WDR64: variants seen among roughly 807,000 people sequenced by gnomAD.
WDR64 encodes WD repeat domain 64.
In WDR64, 112 loss-of-function variants were observed where a neutral mutation model predicts 139.3. That is an observed-to-expected ratio of 0.80 (90% CI 0.69 to 0.94). The LOEUF is 0.94. Among genes scored for constraint, WDR64 ranks in the 40% least tolerant of loss-of-function variants. The probability of loss-of-function intolerance (pLI) is 0.00; values close to 1 mark genes in which losing one functional copy is unlikely to be tolerated. For synonymous variants in WDR64, 444 were observed against 437.7 expected (o/e 1.01, Z -0.18); for missense variants, 1,206 against 1,293.1 (o/e 0.93, Z 1.03).
At chr1:241,691,480 C>A (rs1667279734) in intron 8 of WDR64, among the ~76,000 whole-genome samples, 1 of 152,046 alleles carries the variant, frequency 6.6e-6, no homozygotes, top group Non-Finnish European at 1.5e-5. Context: ...GTAAGATATA[C>A]CATGCTAACA....
intron 1 of WDR64, among the ~76,000 whole-genome samples, chr1:241,658,147 A>G (rs1222211246): frequency 6.6e-6 from 1 of 152,194 alleles, no homozygotes; most frequent in Non-Finnish European, 1.5e-5. Context: ...AGATACTCAT[A>G]TTTTTAACTA....
chr1:241,674,735 T>G lies in WDR64; in HGVS notation c.471T>G (p.Val157=). 6.5e-7 allele frequency: 1 copy of G among 1,542,946 alleles called. No individual in the cohort carries two copies. ...ITATQKGLIT[V]FNNQMRVQTS... is the part of the protein sequence containing the mutation. ...CTACTCAGAAAGGATTAATAACAGT[T>G]TTTAATAACCAGGTAATTTCTTTTT... The change falls in exon 4 of 28, where the codon GTT becomes GTG. Residue 157 remains valine (V), a synonymous_variant. Transcript: ENST00000437684.
At chr1:241,691,741 C>T (rs1441445823) in intron 8 of WDR64, among the ~76,000 whole-genome samples, 2 of 152,154 alleles carry the variant, frequency 1.3e-5, no homozygotes, top group Admixed American at 1.3e-4. Flanking sequence ...AGGCTGGGCA[C>T]AGTGGCTCAT....
intron 4 of WDR64, among the ~76,000 whole-genome samples, chr1:241,676,755 T>C (rs1281204951): frequency 6.6e-6 from 1 of 151,560 alleles, no homozygotes; most frequent in African/African-American, 2.4e-5. Flanking sequence ...GTTTTTTTTT[T>C]TTTTTTTTGT....
chr1:241,716,094 A>G (rs143820500), intron 9 of WDR64, among the ~76,000 whole-genome samples: 2,261 of 152,232 alleles, frequency 0.015, 33 homozygotes, highest in Middle Eastern at 0.051. Flanking sequence ...AATTCCCAGT[A>G]ACTGAAAACA....
intron 13 of WDR64, among the ~76,000 whole-genome samples, chr1:241,748,427 T>C (rs12081277): frequency 0.41 from 61,776 of 152,016 alleles, 12,900 homozygotes; most frequent in East Asian, 0.51. Flanking sequence ...TGCCTTCTCA[T>C]TGTGTTCTCA....
At chr1:241,745,838 C>G (rs1310554577) in intron 13 of WDR64, among the ~76,000 whole-genome samples, 1 of 152,112 alleles carries the variant, frequency 6.6e-6, no homozygotes, top group Non-Finnish European at 1.5e-5. Context: ...CCACTGGTCT[C>G]CTCGCATTAC....
intron 7 of WDR64, among the ~76,000 whole-genome samples, chr1:241,684,028 A>G (rs866402108): frequency 6.6e-6 from 1 of 152,176 alleles, no homozygotes; most frequent in Non-Finnish European, 1.5e-5. Flanking sequence ...CGTGAAAAAA[A>G]CTATAAAAGA....
chr1:241,785,019 A>G (rs946455151), intron 23 of WDR64, among the ~76,000 whole-genome samples: 5 of 149,252 alleles, frequency 3.4e-5, no homozygotes, highest in African/African-American at 9.8e-5. Flanking sequence ...GAGTAAGAAC[A>G]TTAAATGTCA....
chr1:241,725,136 T>C (rs778704959), intron 10 of WDR64, among the ~76,000 whole-genome samples: 3 of 151,844 alleles, frequency 2.0e-5, no homozygotes, highest in Non-Finnish European at 4.4e-5. Flanking sequence ...GAAAGTGGAG[T>C]GAAGGGCAAA....
Position 241,738,405 on chromosome 1 carries a change from G to C in WDR64, c.1237G>C (p.Val413Leu), listed in dbSNP as rs1438477996. ...WDIQTLSLLQVFHDSQGGPGD... is the reference protein window; with the variant it reads ...WDIQTLSLLQLFHDSQGGPGD... ...TATACAAACTCTTTCACTATTACAA[G>C]TCTTCCATGACAGCCAGGGAGGACC... Residue 413 changes from valine to leucine, a missense_variant, in exon 11 of 28, where the codon GTC becomes CTC. Val to Leu is a conservative substitution (Grantham distance 32). Coordinates refer to ENST00000437684, the MANE Select transcript of WDR64 (RefSeq NM_001367482.1). 1 of 1,613,760 alleles carries C rather than the reference G, an allele frequency of 6.2e-7. No homozygotes were observed. The highest frequency in any genetic ancestry group is 2.2e-5 in the East Asian group (1 of 44,858).
In WDR64 at chr1:241,708,834, C is replaced by T. The variant is rs1434482120; in HGVS notation, c.975-2968C>T. ...GGATGACAAGCGTGAGCCACTGCACCCAGCCTAGGAATTTCTTTTTTAATA... is the reference window on the plus strand; with the variant it reads ...GGATGACAAGCGTGAGCCACTGCACTCAGCCTAGGAATTTCTTTTTTAATA... On this transcript the variant is annotated intron_variant, in intron 8 of 27. Coordinates refer to ENST00000437684, the MANE Select transcript of WDR64 (RefSeq NM_001367482.1). 4.6e-5 allele frequency among the ~76,000 whole-genome samples: 7 copies of T among 151,808 alleles called. No individual in the cohort carries two copies. In the East Asian group the frequency reaches 1.3e-3, roughly 29 times the overall value.
chr1:241,692,896 A>C (rs1667352158), intron 8 of WDR64, among the ~76,000 whole-genome samples: 1 of 152,224 alleles, frequency 6.6e-6, no homozygotes, highest in Admixed American at 6.5e-5. Context: ...GTCAAAATCC[A>C]GAACACTAAC....
At chr1:241,698,756 C>T (rs183568050) in intron 8 of WDR64, among the ~76,000 whole-genome samples, 1 of 152,282 alleles carries the variant, frequency 6.6e-6, no homozygotes, top group Admixed American at 6.5e-5. Context: ...AGGGAATTTT[C>T]CTGACCACTC....
chr1:241,794,504 G>GTTT (rs11419039), intron 25 of WDR64, among the ~76,000 whole-genome samples: 15,959 of 80,374 alleles, frequency 0.2, 2,070 homozygotes, highest in East Asian at 0.44. Context: ...AAGCTTTACT[G>GTTT]TTTTTTTTTT....
At position 241,693,252 on chromosome 1, in the gene WDR64, C is replaced by A. The variant is rs530641409; in HGVS notation, c.974+5657C>A. Among the ~76,000 whole-genome samples, 7 of 152,158 alleles carry A rather than the reference C, an allele frequency of 4.6e-5. No homozygotes were observed. In the South Asian group the frequency reaches 1.5e-3, roughly 32 times the overall value. ...TGCTAAAAGGAAATGAGCTATCAAG[C>A]CATAAAAAGACATGGAGGACCCTTA... On this transcript the variant is annotated intron_variant, in intron 8 of 27. Coordinates refer to ENST00000437684, the MANE Select transcript of WDR64 (RefSeq NM_001367482.1).
intron 10 of WDR64, among the ~76,000 whole-genome samples, chr1:241,730,299 A>G (rs1191490223): frequency 6.6e-6 from 1 of 152,202 alleles, no homozygotes; most frequent in African/African-American, 2.4e-5. Context: ...AAGACCAGGA[A>G]GCAGTCCCTA....
chr1:241,654,008 G>C (rs141784040), intron 1 of WDR64, among the ~76,000 whole-genome samples: 4 of 152,176 alleles, frequency 2.6e-5, no homozygotes, highest in Non-Finnish European at 5.9e-5. Flanking sequence ...TCAAACCCTT[G>C]ACACTTTTTC....
At chr1:241,705,081 A>T (rs887216526) in intron 8 of WDR64, among the ~76,000 whole-genome samples, 8 of 152,166 alleles carry the variant, frequency 5.3e-5, no homozygotes, top group East Asian at 1.9e-4. Context: ...GTCCAGGAAG[A>T]TCTACTCCAG....
Sources: gnomAD v4.1 joint callset for allele counts (sites outside exome capture counted in the v4.1 genomes callset) on GRCh38, gnomAD v4.1.1 for gene constraint, MANE v1.5 for transcripts, NCBI Gene and HGNC (gene_info 2026-07-23, HGNC 2026-07-21) for gene names.